CDKN2A: variants seen among roughly 807,000 people sequenced by gnomAD.
CDKN2A encodes cyclin-dependent kinase inhibitor 2A.
CDKN2A carries 3 observed loss-of-function variants against 11.1 expected under a neutral mutation model. The ratio of observed to expected loss-of-function variants is 0.27; its 90% CI spans 0.12 to 0.70. The LOEUF is 0.70. CDKN2A is among the 30% of genes least tolerant of loss of function. The pLI, the probability that CDKN2A is intolerant of heterozygous loss-of-function variation, is 0.77. For synonymous variants in CDKN2A, 122 were observed against 108.1 expected (o/e 1.13, Z -0.80); for missense variants, 265 against 233.6 (o/e 1.13, Z -0.88).
intron 2 of CDKN2A, chr9:21,969,488 T>C (rs1819586170): frequency 2.8e-6 from 1 of 362,406 alleles, no homozygotes; most frequent in Non-Finnish European, 4.9e-6. Flanking sequence ...TCTAACCATA[T>C]AATTAATTGT....
In CDKN2A at chr9:21,991,182, T is replaced by C. The variant is rs1373304027; in HGVS notation, c.-4+2700A>G. 6.6e-6 allele frequency among the ~76,000 whole-genome samples: 1 copy of C among 152,186 alleles called. No homozygotes were observed. Among genetic ancestry groups the C allele is most frequent in the Non-Finnish European group, 1.5e-5 (1 of 68,038 alleles). The stretch of plus-strand genomic sequence containing the variant: ...GTATCAGGCTGGGCTTTGCAGCAGA[T>C]GGAGGAGCTAGGGCAAGCTTGTCCA... On this transcript the variant is annotated intron_variant, in intron 2 of 3. Coordinates refer to the CDKN2A transcript ENST00000494262. The surrounding 1 kb of genome is among the most constrained non-coding windows in gnomAD (Gnocchi z 5.2).
In CDKN2A at chr9:21,968,147, C is replaced by T; in HGVS notation, c.*82G>A. Reference sequence around the variant, plus strand: ...ACTACGAAAGCGGGGTGGGTTGTGGCGGGGGCAGTTGTGGCCCTGTAGGAC... The same window carrying T: ...ACTACGAAAGCGGGGTGGGTTGTGGTGGGGGCAGTTGTGGCCCTGTAGGAC... On this transcript the variant is annotated 3_prime_UTR_variant, in exon 3 of 3. Transcript: ENST00000304494. The surrounding 1 kb of genome is among the most constrained non-coding windows in gnomAD (Gnocchi z 4.7). 3 of 1,144,282 alleles carry T rather than the reference C, an allele frequency of 2.6e-6. No individual in the cohort carries two copies. The highest frequency in any genetic ancestry group is 2.6e-6 in the Non-Finnish European group (2 of 774,940). The allele number at this position is 1,144,282 out of a possible 1,614,324, so 70.9% of individuals were successfully genotyped here. A position where few individuals can be genotyped will look rare whatever the true frequency, so the allele number is the denominator to read the frequency against.
At chr9:21,987,046 C>T (rs1820315219) in intron 2 of CDKN2A, among the ~76,000 whole-genome samples, 1 of 152,038 alleles carries the variant, frequency 6.6e-6, no homozygotes, top group Non-Finnish European at 1.5e-5. Flanking sequence ...TCAGCAAAGT[C>T]ACTGGTGTAA....
rs1265356409 is a variant in CDKN2A, at chr9:21,980,938, A to T, written c.-3-9730T>A. Among the ~76,000 whole-genome samples, 2 of 120,680 alleles carry T rather than the reference A, an allele frequency of 1.7e-5. 1 individual carries two copies. The highest frequency in any genetic ancestry group is 5.8e-5 in the African/African-American group (2 of 34,362). 79.2% of individuals were successfully genotyped at this position (120,680 alleles called of 152,430 possible). A position where few individuals can be genotyped will look rare whatever the true frequency, so the allele number is the denominator to read the frequency against. On this transcript the variant is annotated intron_variant, in intron 2 of 3. Coordinates refer to the CDKN2A transcript ENST00000494262. Reference sequence around the variant, plus strand: ...CGCGCCACTGCACTCCAGCCTGGGCAACAGAGCGAGACTCCGTCTCAAAAA... The same window carrying T: ...CGCGCCACTGCACTCCAGCCTGGGCTACAGAGCGAGACTCCGTCTCAAAAA...
chr9:21,980,998 ATATACGTG>A (rs1371378727), intron 2 of CDKN2A, among the ~76,000 whole-genome samples: 3 of 13,920 alleles, frequency 2.2e-4, no homozygotes, highest in Non-Finnish European at 4.6e-4. Context: ...ACGTATATAT[ATATACGTG>A]TATATATATA....
intron 1 of CDKN2A, among the ~76,000 whole-genome samples, chr9:21,973,654 G>A (rs1819883474): frequency 6.6e-6 from 1 of 152,150 alleles, no homozygotes; most frequent in Non-Finnish European, 1.5e-5. Flanking sequence ...GTTCAAAAAT[G>A]AGGAATTGAA....
intron 1 of CDKN2A, among the ~76,000 whole-genome samples, chr9:21,973,605 C>A (rs189761176): frequency 2.0e-5 from 3 of 152,044 alleles, no homozygotes; most frequent in Admixed American, 2.0e-4. Flanking sequence ...TCCCCTAACT[C>A]CCTCACAAAA....
intron 1 of CDKN2A, chr9:21,971,537 T>G: frequency 2.9e-6 from 1 of 342,318 alleles, no homozygotes. Context: ...GAGATACAAC[T>G]ACTGAAATTT....
chr9:21,971,361 C>T, intron 1 of CDKN2A, 153 bp from the exon 2 acceptor site: 1 of 1,491,678 alleles, frequency 6.7e-7, no homozygotes, highest in Middle Eastern at 2.3e-4. Flanking sequence ...CAATTTCCTT[C>T]TTGAGTTCTC....
Position 21,974,344 on chromosome 9 carries a change from C to CT in CDKN2A, c.150+333dup. On this transcript the variant is annotated intron_variant, in intron 1 of 2. Transcript: ENST00000304494. The surrounding 1 kb of genome is among the most constrained non-coding windows in gnomAD (Gnocchi z 5.2). ...AGTAGTCCCAGCACATCTTACATTTCTTTAAGACTCCCTTTTTATCCCAAA... is the reference window on the plus strand; with the variant it reads ...AGTAGTCCCAGCACATCTTACATTTCTTTTAAGACTCCCTTTTTATCCCAAA... The CT allele has an allele frequency of 7.0e-7, 1 of 1,423,596 alleles. No individual in the cohort carries two copies. The highest frequency in any genetic ancestry group is 1.3e-5 in the South Asian group (1 of 77,214). The allele number at this position is 1,423,596 out of a possible 1,614,324, so 88.2% of individuals were successfully genotyped here.
At chr9:21,970,204 G>A in intron 2 of CDKN2A, 1 of 240,508 alleles carries the variant, frequency 4.2e-6, no homozygotes, top group Non-Finnish European at 8.1e-6. Context: ...TCACAAAAAG[G>A]AAAGGCAAGG....
intron 1 of CDKN2A, among the ~76,000 whole-genome samples, chr9:21,972,857 A>G (rs1414332765): frequency 6.6e-6 from 1 of 152,176 alleles, no homozygotes; most frequent in Non-Finnish European, 1.5e-5. Context: ...GTTATTTGTT[A>G]TATTAGTTTG....
At chr9:21,993,311 T>C (rs931328393) in intron 2 of CDKN2A, among the ~76,000 whole-genome samples, 1 of 152,250 alleles carries the variant, frequency 6.6e-6, no homozygotes, top group African/African-American at 2.4e-5. Context: ...TGTCAACATT[T>C]GTCAATGTGA....
Position 21,974,530 on chromosome 9 carries a change from T to A in CDKN2A, c.150+148A>T, listed in dbSNP as rs1329286662. ...CCCAGGGCGTCGCCAGGAGGAGGTC[T>A]GTGATTACAAACCCCTTCTGAAAAC... On this transcript the variant is annotated intron_variant, in intron 1 of 2. Transcript: ENST00000304494. The surrounding 1 kb of genome is among the most constrained non-coding windows in gnomAD (Gnocchi z 5.2). The A allele has an allele frequency of 6.2e-7, 1 of 1,613,168 alleles. No individual in the cohort carries two copies. The highest frequency in any genetic ancestry group is 1.7e-5 in the Admixed American group (1 of 60,002).
intron 1 of CDKN2A, chr9:21,994,408 T>G: frequency 6.2e-7 from 1 of 1,606,312 alleles, no homozygotes; most frequent in Non-Finnish European, 8.5e-7. Flanking sequence ...GCGCCACTCC[T>G]GCCCCCTTAA....
chr9:21,994,576 T>A (rs978853750), intron 1 of CDKN2A: 3 of 906,926 alleles, frequency 3.3e-6, no homozygotes, highest in Non-Finnish European at 4.4e-6. Context: ...CTCTGAGCCC[T>A]GCGCACGCGG....
chr9:21,970,989 G>C lies in CDKN2A; in HGVS notation c.370C>G (p.Arg124Gly), dbSNP rs34170727. The C allele has an allele frequency of 5.6e-6, 9 of 1,610,014 alleles. No homozygotes were observed. Among genetic ancestry groups the C allele is most frequent in the African/African-American group, 4.0e-5 (3 of 74,930 alleles). ...PVDLAEELGH[R>G]DVARYLRAAA... Reference sequence around the variant, plus strand: ...GCGCGCAGGTACCGTGCGACATCGCGATGGCCCAGCTCCTCAGCCAGGTCC... The same window carrying C: ...GCGCGCAGGTACCGTGCGACATCGCCATGGCCCAGCTCCTCAGCCAGGTCC... The change falls in exon 2 of 3, where the codon CGC becomes GGC. Residue 124 changes from arginine (R) to glycine (G), a missense_variant. Coordinates refer to ENST00000304494, the MANE Select transcript of CDKN2A (RefSeq NM_000077.5).
intron 2 of CDKN2A, among the ~76,000 whole-genome samples, chr9:21,987,396 A>AACACACACACACACACACAC (rs375380204): frequency 5.6e-5 from 5 of 89,962 alleles, no homozygotes; most frequent in Non-Finnish European, 9.2e-5. Flanking sequence ...CCCTTATTAC[A>AACACACACACACACACACAC]ACACACACAC....
At chr9:21,976,898 C>A (rs906529883), upstream of CDKN2A, among the ~76,000 whole-genome samples, 1 of 152,192 alleles carries the variant, frequency 6.6e-6, no homozygotes, top group African/African-American at 2.4e-5. Context: ...TTAAGCTTAT[C>A]AAAAACATGT....
Sources: allele counts gnomAD v4.1 joint callset (sites outside exome capture counted in the v4.1 genomes callset), GRCh38; gene constraint gnomAD v4.1.1; non-coding constraint Gnocchi (gnomAD v3.1); transcripts MANE v1.5; gene names NCBI Gene and HGNC (gene_info 2026-07-23, HGNC 2026-07-21).